ACVR2A: variants seen among roughly 807,000 people sequenced by gnomAD.
ACVR2A encodes the protein activin receptor type-2A.
A neutral mutation model predicts 61.4 loss-of-function variants in ACVR2A; 7 were observed. The observed-to-expected ratio is 0.11, with a 90% confidence interval of 0.06 to 0.21. The LOEUF (loss-of-function observed/expected upper bound fraction) is 0.21. Among genes scored for constraint, ACVR2A ranks in the 10% least tolerant of loss-of-function variants. ACVR2A has a pLI of 1.00. For synonymous variants in ACVR2A, 193 were observed against 208.3 expected (o/e 0.93, Z 0.63); for missense variants, 322 against 621.7 (o/e 0.52, Z 5.13).
At chr2:147,879,677 T>TA (rs1157102947) in intron 1 of ACVR2A, among the ~76,000 whole-genome samples, 1 of 152,208 alleles carries the variant, frequency 6.6e-6, no homozygotes, top group East Asian at 1.9e-4. Flanking sequence ...TAAGATTTGT[T>TA]AAAGATTTTG....
rs1158140322 is a variant in ACVR2A, at chr2:147,917,371, A to T, written c.761A>T (p.Lys254Ile). ...ENILQFIGAE[K>I]RGTSVDVDLW... ...ATATTACAGTTCATTGGTGCAGAAAAACGAGGCACCAGTGTTGATGTGGAT... is the reference window on the plus strand; with the variant it reads ...ATATTACAGTTCATTGGTGCAGAAATACGAGGCACCAGTGTTGATGTGGAT... The change falls in exon 6 of 11, where the codon AAA (lysine) becomes ATA (isoleucine). Residue 254 changes from lysine (K) to isoleucine (I), a missense_variant. Transcript: ENST00000241416. 1 of 1,612,362 alleles carries T rather than the reference A, an allele frequency of 6.2e-7. No homozygotes were observed. Among genetic ancestry groups the T allele is most frequent in the Non-Finnish European group, 8.5e-7 (1 of 1,178,958 alleles).
Position 147,918,637 on chromosome 2 carries a change from T to G in ACVR2A, c.962+45T>G, listed in dbSNP as rs530371764. 3.9e-6 allele frequency: 6 copies of G among 1,519,180 alleles called. No individual in the cohort carries two copies. The African/African-American group carries it at 4.2e-5, about 11-fold the overall frequency. 94.1% of individuals were successfully genotyped at this position (1,519,180 alleles called of 1,614,324 possible). On this transcript the variant is annotated intron_variant, in intron 7 of 10. Coordinates refer to ENST00000241416, the MANE Select transcript of ACVR2A (RefSeq NM_001616.5). ...TTTTCCCAGATAATTGAGTATATAT[T>G]TACTAAACTTTTAAGCCCCTGGGTA...
intron 1 of ACVR2A, among the ~76,000 whole-genome samples, chr2:147,873,369 T>G (rs1292268370): frequency 6.6e-6 from 1 of 152,038 alleles, no homozygotes; most frequent in Non-Finnish European, 1.5e-5. Flanking sequence ...TTTCAATGCA[T>G]AATCAATATG....
rs781277378 is a variant in ACVR2A, at chr2:147,896,298, T to C, written c.56-3T>C. The C allele has an allele frequency of 2.5e-6, 4 of 1,609,876 alleles. No homozygotes were observed. The highest frequency in any genetic ancestry group is 2.2e-5 in the South Asian group (2 of 90,818). ...TTATATTATTGTTTTTATTATCTTATAGGTGCTATACTTGGTAGATCAGAA... is the reference window on the plus strand; with the variant it reads ...TTATATTATTGTTTTTATTATCTTACAGGTGCTATACTTGGTAGATCAGAA... On this transcript the variant is annotated splice_region_variant and splice_polypyrimidine_tract_variant and intron_variant, in intron 1 of 10. Transcript: ENST00000241416.
chr2:147,908,252 A>C (rs907072813), intron 4 of ACVR2A, among the ~76,000 whole-genome samples: 2 of 152,166 alleles, frequency 1.3e-5, no homozygotes, highest in Non-Finnish European at 2.9e-5. Flanking sequence ...AATAAATCAA[A>C]ATAAACTTCT....
At chr2:147,865,590 C>T (rs1391066868) in intron 1 of ACVR2A, among the ~76,000 whole-genome samples, 2 of 152,158 alleles carry the variant, frequency 1.3e-5, no homozygotes, top group African/African-American at 2.4e-5. Flanking sequence ...TTTTGCTCTA[C>T]ATACCCTTCC....
intron 1 of ACVR2A, among the ~76,000 whole-genome samples, chr2:147,845,544 A>G (rs887911101): frequency 2.6e-5 from 4 of 152,164 alleles, no homozygotes; most frequent in African/African-American, 7.2e-5. Flanking sequence ...ACAAGTGACA[A>G]TTTATGCAAA....
chr2:147,874,433 A>G (rs1686104330), intron 1 of ACVR2A, among the ~76,000 whole-genome samples: 1 of 151,984 alleles, frequency 6.6e-6, no homozygotes, highest in African/African-American at 2.4e-5. Flanking sequence ...CTTGGAATAC[A>G]TGTTTATATC....
intron 6 of ACVR2A, 96 bp from the exon 7 acceptor site, chr2:147,918,351 G>T: frequency 9.6e-7 from 1 of 1,045,452 alleles, no homozygotes; most frequent in Non-Finnish European, 1.3e-6. Flanking sequence ...TCCCTGAAAG[G>T]GAAACTCACA....
At chr2:147,921,994 G>A (rs1558815069) in intron 8 of ACVR2A, among the ~76,000 whole-genome samples, 1 of 152,076 alleles carries the variant, frequency 6.6e-6, no homozygotes, top group African/African-American at 2.4e-5. Flanking sequence ...AACATTTTAT[G>A]TCAACATGGT....
At chr2:147,864,299 G>A (rs778744919) in intron 1 of ACVR2A, among the ~76,000 whole-genome samples, 17 of 151,996 alleles carry the variant, frequency 1.1e-4, no homozygotes, top group African/African-American at 3.1e-4. Context: ...GCGCGATGTC[G>A]GCTCACTGCA....
intron 1 of ACVR2A, among the ~76,000 whole-genome samples, chr2:147,883,626 A>G (rs1400742534): frequency 6.6e-6 from 1 of 152,120 alleles, no homozygotes. Flanking sequence ...ACTGTTGGTG[A>G]TTATGGCCTG....
At chr2:147,894,049 T>C (rs1432928597) in intron 1 of ACVR2A, among the ~76,000 whole-genome samples, 3 of 152,142 alleles carry the variant, frequency 2.0e-5, no homozygotes, top group Admixed American at 1.3e-4. Context: ...TGGCGTGATA[T>C]ATGGGTTGAA....
At chr2:147,877,317 T>G (rs1179186641) in intron 1 of ACVR2A, 1 of 152,142 alleles carries the variant, frequency 6.6e-6, no homozygotes, top group Non-Finnish European at 1.5e-5. Context: ...ATGATGGATG[T>G]AAACATTTCT....
chr2:147,873,481 C>T (rs1368252411), intron 1 of ACVR2A, among the ~76,000 whole-genome samples: 1 of 151,840 alleles, frequency 6.6e-6, no homozygotes, highest in Non-Finnish European at 1.5e-5. Context: ...TTTTCTAGGA[C>T]TCTAACTATA....
At chr2:147,865,316 C>T (rs1685826197) in intron 1 of ACVR2A, among the ~76,000 whole-genome samples, 1 of 152,134 alleles carries the variant, frequency 6.6e-6, no homozygotes, top group Non-Finnish European at 1.5e-5. Flanking sequence ...CCTTTTGTTC[C>T]CTCTTTAACC....
chr2:147,879,011 A>G (rs2105167751), intron 1 of ACVR2A, among the ~76,000 whole-genome samples: 1 of 152,314 alleles, frequency 6.6e-6, no homozygotes, highest in Admixed American at 6.5e-5. Context: ...GAATAGTATG[A>G]TAGTTTCTTG....
intron 1 of ACVR2A, among the ~76,000 whole-genome samples, chr2:147,886,554 C>T (rs537736757): frequency 5.3e-4 from 81 of 152,166 alleles, no homozygotes; most frequent in African/African-American, 1.9e-3. Flanking sequence ...AGTCACAGGA[C>T]TATGAAAGAT....
In ACVR2A at chr2:147,892,471, G is replaced by C. The variant is rs1686612006; in HGVS notation, c.56-3830G>C. On this transcript the variant is annotated intron_variant, in intron 1 of 10. Coordinates refer to ENST00000241416, the MANE Select transcript of ACVR2A (RefSeq NM_001616.5). ...TTTTTAGTCTCAGGACTTCTTTAGA[G>C]CTCTTAAAAATTAAAGACCCCAAAA... Among the ~76,000 whole-genome samples the C allele has an allele frequency of 4.5e-5, 4 of 89,854 alleles. No homozygotes were observed. The Admixed American group carries it at 5.0e-4, about 11-fold the overall frequency. 58.9% of individuals were successfully genotyped at this position (89,854 alleles called of 152,430 possible).
Sources: allele counts gnomAD v4.1 joint callset (sites outside exome capture counted in the v4.1 genomes callset), GRCh38; gene constraint gnomAD v4.1.1; transcripts MANE v1.5; gene names NCBI Gene and HGNC (gene_info 2026-07-23, HGNC 2026-07-21).